Variants in CREB1 observed in about 807,000 individuals in gnomAD.
CREB1 encodes cyclic AMP-responsive element-binding protein 1.
In CREB1, 2 loss-of-function variants were observed where a neutral mutation model predicts 42.0. That is an observed-to-expected ratio of 0.05 (90% confidence interval 0.02 to 0.15). CREB1 has a LOEUF of 0.15. Among genes scored for constraint, CREB1 ranks in the 10% least tolerant of loss-of-function variants. The pLI is 1.00. For missense variants in CREB1, 199 were observed against 388.9 expected (o/e 0.51, Z 4.11); for synonymous variants, 123 against 139.9 (o/e 0.88, Z 0.85).
chr2:207,556,580 G>A lies in CREB1; in HGVS notation c.114+831G>A, dbSNP rs189692969. ...GAAATAGAGGACTCACCACACTTGG[G>A]TGTCTGGCTGAGGTAGTGTGAGCCA... On this transcript the variant is annotated intron_variant, in intron 2 of 7. Transcript: ENST00000353267. 2.7e-4 allele frequency among the ~76,000 whole-genome samples: 41 copies of A among 152,330 alleles called. 1 individual carries two copies. The East Asian group carries it at 7.9e-3, about 29-fold the overall frequency.
intron 3 of CREB1, among the ~76,000 whole-genome samples, chr2:207,564,629 C>G (rs1221988306): frequency 1.3e-5 from 2 of 152,040 alleles, no homozygotes; most frequent in African/African-American, 4.8e-5. Flanking sequence ...TCGAATATTA[C>G]CATTGTTTTG....
intron 1 of CREB1, among the ~76,000 whole-genome samples, chr2:207,531,971 G>GA (rs1330754716): frequency 1.3e-5 from 2 of 152,144 alleles, no homozygotes; most frequent in Non-Finnish European, 2.9e-5. Context: ...TCCGAGCACT[G>GA]AAAAAATTAT....
At chr2:207,570,393 C>G in intron 5 of CREB1, 72 bp downstream of exon 5, 2 of 1,426,200 alleles carry the variant, frequency 1.4e-6, no homozygotes, top group Non-Finnish European at 1.9e-6. Context: ...TAGTTGCATT[C>G]TCTTCAGAGA....
chr2:207,540,285 A>G (rs142088718), intron 1 of CREB1, among the ~76,000 whole-genome samples: 124 of 152,278 alleles, frequency 8.1e-4, no homozygotes, highest in African/African-American at 2.9e-3. Context: ...GAAGGCTGTG[A>G]TGTTGACAAT....
rs2086382192 is a variant in CREB1, at chr2:207,597,587, G to T, written c.*529G>T. On this transcript the variant is annotated 3_prime_UTR_variant, in exon 8 of 8. Coordinates refer to ENST00000353267, the MANE Select transcript of CREB1 (RefSeq NM_004379.5). ...GTTAAGAGACATACCCTCTAAAAAA[G>T]AACTTTAGCATGGTATTGAAGGAAT... The T allele has an allele frequency of 4.8e-6, 1 of 209,212 alleles. No individual in the cohort carries two copies. The highest frequency in any genetic ancestry group is 1.9e-4 in the South Asian group (1 of 5,294). 13.0% of individuals were successfully genotyped at this position (209,212 alleles called of 1,614,324 possible). A position where few individuals can be genotyped will look rare whatever the true frequency, so the allele number is the denominator to read the frequency against.
Position 207,570,329 on chromosome 2 carries a change from A to G in CREB1, c.505+8A>G, listed in dbSNP as rs896948175. The G allele has an allele frequency of 1.1e-5, 17 of 1,583,838 alleles. 1 individual carries two copies. Among genetic ancestry groups the G allele is most frequent in the South Asian group, 3.5e-5 (3 of 85,654 alleles). On this transcript the variant is annotated splice_region_variant and intron_variant, in intron 5 of 7. Transcript: ENST00000353267. The stretch of plus-strand genomic sequence containing the variant: ...CTAGCAGTGGACAGTATAGTGAGTA[A>G]TAGACAATTTCTGTTTCTATTGTGA...
chr2:207,539,207 A>ATT (rs528614868), intron 1 of CREB1, among the ~76,000 whole-genome samples: 1,696 of 132,940 alleles, frequency 0.013, 54 homozygotes, highest in African/African-American at 0.044. Context: ...TACCTGGCTA[A>ATT]TTTTTTTTTT....
rs1192412183 is a variant in CREB1, at chr2:207,603,930, T to A, written c.*6872T>A. ...CATCTGAAAATAAGCAGCTGCATTA[T>A]TTGTATGTTTCTTCACTGCCAAGAT... On this transcript the variant is annotated 3_prime_UTR_variant, in exon 8 of 8. Coordinates refer to ENST00000353267, the MANE Select transcript of CREB1 (RefSeq NM_004379.5). Among the ~76,000 whole-genome samples the A allele has an allele frequency of 6.6e-6, 1 of 152,248 alleles. No homozygotes were observed. Among genetic ancestry groups the A allele is most frequent in the East Asian group, 1.9e-4 (1 of 5,206 alleles).
intron 5 of CREB1, among the ~76,000 whole-genome samples, chr2:207,570,876 T>C (rs759534652): frequency 6.6e-6 from 1 of 152,164 alleles, no homozygotes; most frequent in African/African-American, 2.4e-5. Flanking sequence ...ACAAAATTAT[T>C]TAAAAGTTTT....
chr2:207,550,929 A>G (rs2081479049), intron 1 of CREB1, among the ~76,000 whole-genome samples: 2 of 152,218 alleles, frequency 1.3e-5, no homozygotes, highest in Admixed American at 6.5e-5. Flanking sequence ...TGTAAGCTAC[A>G]TACAAGCAGA....
intron 1 of CREB1, among the ~76,000 whole-genome samples, chr2:207,553,320 T>C (rs1297527732): frequency 6.6e-6 from 1 of 151,542 alleles, no homozygotes; most frequent in Non-Finnish European, 1.5e-5. Flanking sequence ...CCACCCGCTT[T>C]GGCCTCCTAA....
intron 3 of CREB1, 76 bp downstream of exon 3, chr2:207,560,448 T>C (rs887327554): frequency 1.4e-5 from 20 of 1,427,360 alleles, no homozygotes; most frequent in East Asian, 6.9e-5. Context: ...TCACTAGTTA[T>C]GAAAATAAGG....
chr2:207,582,046 C>T (rs1030242029), intron 7 of CREB1: 19 of 699,292 alleles, frequency 2.7e-5, no homozygotes, highest in African/African-American at 1.1e-4. Context: ...ACATAATTGG[C>T]GATATTAACT....
intron 3 of CREB1, among the ~76,000 whole-genome samples, chr2:207,562,708 T>C (rs189608038): frequency 6.6e-6 from 1 of 152,332 alleles, no homozygotes; most frequent in Non-Finnish European, 1.5e-5. Context: ...TGGTGATTAG[T>C]GTTAACAACT....
chr2:207,565,042 T>G (rs1420120447), intron 3 of CREB1, among the ~76,000 whole-genome samples: 4 of 152,032 alleles, frequency 2.6e-5, no homozygotes, highest in East Asian at 1.9e-4. Flanking sequence ...CAGTATGTTT[T>G]TTTTTTTTTA....
intron 7 of CREB1, 67 bp downstream of exon 7, chr2:207,577,722 A>G: frequency 1.3e-6 from 2 of 1,564,662 alleles, no homozygotes; most frequent in Admixed American, 1.7e-5. Context: ...CTGGATGTGT[A>G]TCTTTACATC....
In CREB1 at chr2:207,600,514, T is replaced by TC. The variant is rs1046718271; in HGVS notation, c.*3461dup. The TC allele has an allele frequency of 3.9e-5, 8 of 206,974 alleles. No homozygotes were observed. Among genetic ancestry groups the TC allele is most frequent in the Non-Finnish European group, 6.9e-5 (7 of 101,372 alleles). The allele number at this position is 206,974 out of a possible 1,614,324, so 12.8% of individuals were successfully genotyped here. A position where few individuals can be genotyped will look rare whatever the true frequency, so the allele number is the denominator to read the frequency against. On this transcript the variant is annotated 3_prime_UTR_variant, in exon 8 of 8. Transcript: ENST00000353267. Reference sequence around the variant, plus strand: ...ATGTTACTAGTCACTTGAAAGCCTCTCCCCCAAAAGTATTTGGTTTGTATG... The same window carrying TC: ...ATGTTACTAGTCACTTGAAAGCCTCTCCCCCCAAAAGTATTTGGTTTGTATG...
At chr2:207,577,824 T>C (rs892734305) in intron 7 of CREB1, 169 bp downstream of exon 7, 11 of 728,546 alleles carry the variant, frequency 1.5e-5, no homozygotes, top group Admixed American at 4.5e-5. Context: ...GCTGCACTTA[T>C]AAGATAGCTG....
Position 207,599,659 on chromosome 2 carries a change from TA to T in CREB1, c.*2602del. On this transcript the variant is annotated 3_prime_UTR_variant, in exon 8 of 8. Transcript: ENST00000353267. ...TTGGTGAAACTTGAAGATTTCAGTT[TA>T]TAAAGATAAAATCAAGCATCTTTTG... 1 of 199,826 alleles carries T rather than the reference TA, an allele frequency of 5.0e-6. No individual in the cohort carries two copies. The highest frequency in any genetic ancestry group is 1.0e-5 in the Non-Finnish European group (1 of 96,722). 12.4% of individuals were successfully genotyped at this position (199,826 alleles called of 1,614,324 possible).
Sources: gnomAD v4.1 joint callset for allele counts (sites outside exome capture counted in the v4.1 genomes callset) on GRCh38, gnomAD v4.1.1 for gene constraint, MANE v1.5 for transcripts, NCBI Gene and HGNC (gene_info 2026-07-23, HGNC 2026-07-21) for gene names.